Variants in SHISA9 observed in about 807,000 individuals in gnomAD.
SHISA9 encodes the protein protein shisa-9.
Under a neutral mutation model 38.0 loss-of-function variants are expected in SHISA9, and 13 were observed. The observed-to-expected ratio is 0.34, with a 90% CI of 0.22 to 0.54. SHISA9 has a LOEUF of 0.54. Ranked by LOEUF, SHISA9 falls within the 20% of genes least tolerant of loss-of-function variation. SHISA9 has a pLI of 0.91. For synonymous variants in SHISA9, 275 were observed against 242.0 expected (o/e 1.14, Z -1.27); for missense variants, 538 against 575.8 (o/e 0.93, Z 0.67).
intron 2 of SHISA9, among the ~76,000 whole-genome samples, chr16:13,081,114 C>T (rs1567205687): frequency 6.6e-6 from 1 of 152,182 alleles, no homozygotes; most frequent in Non-Finnish European, 1.5e-5. Flanking sequence ...CAAATCATAG[C>T]CCTAAATGAT....
chr16:13,366,612 G>C, the SHISA9 span, among the ~76,000 whole-genome samples: 1 of 152,076 alleles, frequency 6.6e-6, no homozygotes, highest in African/African-American at 2.4e-5. Context: ...GGAGGCTGAA[G>C]CAAGAGGATT....
intron 2 of SHISA9, among the ~76,000 whole-genome samples, chr16:13,187,766 G>A (rs2050841935): frequency 6.6e-6 from 1 of 152,162 alleles, no homozygotes; most frequent in Non-Finnish European, 1.5e-5. Context: ...GCAAAATGGG[G>A]AGATTTGCAC....
At chr16:13,165,216 A>G (rs961858750) in intron 2 of SHISA9, among the ~76,000 whole-genome samples, 3 of 152,048 alleles carry the variant, frequency 2.0e-5, no homozygotes, top group African/African-American at 7.2e-5. Context: ...CACTGATTCT[A>G]TGTATATTAA....
chr16:13,165,749 A>G (rs1316941092), intron 2 of SHISA9, among the ~76,000 whole-genome samples: 3 of 152,218 alleles, frequency 2.0e-5, no homozygotes, highest in Non-Finnish European at 4.4e-5. Context: ...CTGATCAGTG[A>G]GTAAAGTCCT....
At chr16:13,157,066 T>C (rs544237631) in intron 2 of SHISA9, among the ~76,000 whole-genome samples, 1 of 152,316 alleles carries the variant, frequency 6.6e-6, no homozygotes, top group South Asian at 2.1e-4. Flanking sequence ...TTCCACTCTT[T>C]CTTGGTTCCA....
the SHISA9 span, among the ~76,000 whole-genome samples, chr16:13,477,007 A>C: frequency 6.6e-6 from 1 of 151,768 alleles, no homozygotes; most frequent in African/African-American, 2.4e-5. Context: ...CGGCCTCCCA[A>C]ACTTGGGATT....
chr16:13,340,530 A>G, the SHISA9 span, among the ~76,000 whole-genome samples: 1 of 152,162 alleles, frequency 6.6e-6, no homozygotes, highest in Non-Finnish European at 1.5e-5. Flanking sequence ...CATGATCAAA[A>G]CTGTCCCAGT....
chr16:12,906,970 T>C (rs1435997453), intron 1 of SHISA9, among the ~76,000 whole-genome samples: 1 of 151,888 alleles, frequency 6.6e-6, no homozygotes, highest in East Asian at 1.9e-4. Flanking sequence ...ATTAGTATTT[T>C]GTCATAGTTG....
At chr16:12,933,676 T>A (rs2071490413) in intron 2 of SHISA9, among the ~76,000 whole-genome samples, 1 of 152,216 alleles carries the variant, frequency 6.6e-6, no homozygotes, top group South Asian at 2.1e-4. Flanking sequence ...GGTTCTGTCT[T>A]CTTGCAAATC....
chr16:13,291,688 C>T, the SHISA9 span, among the ~76,000 whole-genome samples: 6 of 152,194 alleles, frequency 3.9e-5, no homozygotes, highest in South Asian at 8.3e-4. Flanking sequence ...AAAGATGTCT[C>T]ATGACACCAG....
At chr16:12,928,939 G>A (rs1014880211) in intron 2 of SHISA9, among the ~76,000 whole-genome samples, 7 of 152,218 alleles carry the variant, frequency 4.6e-5, no homozygotes, top group African/African-American at 1.7e-4. Context: ...CAGCTTAGAA[G>A]TGGCTAATTT....
chr16:13,446,929 G>A, the SHISA9 span, among the ~76,000 whole-genome samples: 2 of 150,352 alleles, frequency 1.3e-5, no homozygotes, highest in Non-Finnish European at 2.9e-5. Context: ...GTGGTGAACC[G>A]AGATCTTGCC....
chr16:12,969,287 T>G (rs2072022948), intron 2 of SHISA9, among the ~76,000 whole-genome samples: 1 of 151,796 alleles, frequency 6.6e-6, no homozygotes, highest in Non-Finnish European at 1.5e-5. Flanking sequence ...TTTGTCACCC[T>G]GGGTGGAGGG....
chr16:13,268,298 T>C, the SHISA9 span, among the ~76,000 whole-genome samples: 1 of 151,206 alleles, frequency 6.6e-6, no homozygotes, highest in Middle Eastern at 3.4e-3. Context: ...TCACTGGAGG[T>C]CAGGAGTTTG....
intron 4 of SHISA9, among the ~76,000 whole-genome samples, chr16:13,230,216 TTC>T: frequency 6.6e-6 from 1 of 152,216 alleles, no homozygotes; most frequent in African/African-American, 2.4e-5. Context: ...TTTCTGATTC[TTC>T]TTCATATTTC....
At chr16:13,457,607 C>T in the SHISA9 span, among the ~76,000 whole-genome samples, 1 of 151,644 alleles carries the variant, frequency 6.6e-6, no homozygotes, top group African/African-American at 2.4e-5. Flanking sequence ...GACCATTCCA[C>T]CTTCTGCTTG....
At chr16:13,367,712 G>GCACACACACACA in the SHISA9 span, among the ~76,000 whole-genome samples, 22 of 104,684 alleles carry the variant, frequency 2.1e-4, no homozygotes, top group East Asian at 4.3e-3. Context: ...GCGCGCGCGC[G>GCACACACACACA]CACACACACA....
chr16:12,965,426 G>A (rs4781364), intron 2 of SHISA9, among the ~76,000 whole-genome samples: 33,372 of 151,974 alleles, frequency 0.22, 4,376 homozygotes, highest in East Asian at 0.35. Flanking sequence ...TCCAGCCCTT[G>A]GCAACTACCG....
chr16:13,027,796 G>C (rs900431012), intron 2 of SHISA9, among the ~76,000 whole-genome samples: 4 of 151,748 alleles, frequency 2.6e-5, no homozygotes, highest in African/African-American at 9.7e-5. Context: ...GTATGGTGGT[G>C]CACTCCTGTA....
Sources: allele counts gnomAD v4.1 joint callset (sites outside exome capture counted in the v4.1 genomes callset), GRCh38; gene constraint gnomAD v4.1.1; transcripts MANE v1.5; gene names NCBI Gene and HGNC (gene_info 2026-07-23, HGNC 2026-07-21).